The following KHNYN variants were observed in gnomAD, a reference collection of about 807,000 sequenced individuals.
KHNYN encodes protein KHNYN.
Under a neutral mutation model 62.7 loss-of-function variants are expected in KHNYN, and 42 were observed. The ratio of observed to expected loss-of-function variants is 0.67; its 90% CI spans 0.52 to 0.87. The LOEUF is 0.87. KHNYN is among the 40% of genes least tolerant of loss of function. KHNYN has a pLI of 0.00. For missense variants in KHNYN, 829 were observed against 874.1 expected, an observed-to-expected ratio of 0.95 and a Z score of 0.65; for synonymous variants, 347 against 345.6, an observed-to-expected ratio of 1.00 and a Z score of -0.04.
upstream of KHNYN, chr14:24,429,579 A>G: frequency 3.3e-6 from 2 of 604,514 alleles, no homozygotes; most frequent in Non-Finnish European, 4.9e-6. Context: ...CACCACGGGT[A>G]CCCTCCGCCT....
rs1286906516 is a variant in KHNYN, at chr14:24,439,709, G to A, written c.*2424G>A. ...CCGTCTTTGGGGAAGAATCATCTAG[G>A]GTGACATTCCTTGAAGTAAATCCCA... On this transcript the variant is annotated 3_prime_UTR_variant, in exon 8 of 8. Coordinates refer to ENST00000553935, the MANE Select transcript of KHNYN (RefSeq NM_015299.3). The A allele has an allele frequency of 1.2e-5, 2 of 169,618 alleles. No individual in the cohort carries two copies. The highest frequency in any genetic ancestry group is 2.5e-5 in the Non-Finnish European group (2 of 80,174). 10.5% of individuals were successfully genotyped at this position (169,618 alleles called of 1,614,324 possible).
In KHNYN at chr14:24,432,115, TGGCCCTCAGGCCACAGTCAGTG is replaced by T; in HGVS notation, c.857_878del (p.Ala286ValfsTer10). 1 of 1,551,934 alleles carries T rather than the reference TGGCCCTCAGGCCACAGTCAGTG, an allele frequency of 6.4e-7. No homozygotes were observed. The highest frequency in any genetic ancestry group is 8.7e-7 in the Non-Finnish European group (1 of 1,148,080). ...GGGGAAGAGGCGTGGGAGAGAGAAG[TGGCCCTCAGGCCACAGTCAGTG>T]GGTGGAGGGGCAAGGGAGTCAGCAC... On this transcript the variant is annotated frameshift_variant, in exon 3 of 8. Transcript: ENST00000553935. LOFTEE classifies it high-confidence loss of function. This position sits in a 1 kb window ranked among gnomAD's most constrained non-coding sequence, Gnocchi z 5.6.
chr14:24,427,309 T>C (rs148437798), upstream of KHNYN: 9 of 185,350 alleles, frequency 4.9e-5, no homozygotes, highest in Non-Finnish European at 9.0e-5. This position sits in a 1 kb window ranked among gnomAD's most constrained non-coding sequence, Gnocchi z 4.4. Context: ...CTGGTTCAGC[T>C]TCTGACGGTG....
chr14:24,424,769 G>T (rs2043004450), upstream of KHNYN, among the ~76,000 whole-genome samples: 1 of 152,200 alleles, frequency 6.6e-6, no homozygotes, highest in Non-Finnish European at 1.5e-5. Context: ...AACTTTAAAT[G>T]AGTTTAGAAG....
At chr14:24,423,394 G>T in the KHNYN span, among the ~76,000 whole-genome samples, 5 of 152,270 alleles carry the variant, frequency 3.3e-5, no homozygotes, top group South Asian at 2.1e-4. Context: ...TCCAAGACTG[G>T]TGGATGAGGA....
In KHNYN at chr14:24,437,292, C is replaced by A. The variant is rs572330921; in HGVS notation, c.*7C>A. The A allele has an allele frequency of 1.9e-6, 3 of 1,605,586 alleles. No homozygotes were observed. Among genetic ancestry groups the A allele is most frequent in the East Asian group, 4.5e-5 (2 of 44,656 alleles). ...GCTCAGTCTTAACTTTTGAGCCTCACCTGCTTGAGTGGCTGCCGCCCTGTC... is the reference window on the plus strand; with the variant it reads ...GCTCAGTCTTAACTTTTGAGCCTCAACTGCTTGAGTGGCTGCCGCCCTGTC... On this transcript the variant is annotated 3_prime_UTR_variant, in exon 8 of 8. Transcript: ENST00000553935. This position sits in a 1 kb window ranked among gnomAD's most constrained non-coding sequence, Gnocchi z 5.5.
In KHNYN at chr14:24,432,634, G is replaced by A. The variant is rs368116236; in HGVS notation, c.1349+24G>A. On this transcript the variant is annotated intron_variant, in intron 3 of 7. Coordinates refer to ENST00000553935, the MANE Select transcript of KHNYN (RefSeq NM_015299.3). The surrounding 1 kb of genome is among the most constrained non-coding windows in gnomAD (Gnocchi z 5.6). The stretch of plus-strand genomic sequence containing the variant: ...GTGTGAGTACCTGGTGGGGCTAAGG[G>A]CCTAGGAGAGGGAGGATATGTCCTG... 15 of 1,609,766 alleles carry A rather than the reference G, an allele frequency of 9.3e-6. No individual in the cohort carries two copies. Among genetic ancestry groups the A allele is most frequent in the African/African-American group, 4.0e-5 (3 of 74,850 alleles).
At chr14:24,424,808 T>G (rs1419422238), upstream of KHNYN, among the ~76,000 whole-genome samples, 1 of 152,248 alleles carries the variant, frequency 6.6e-6, no homozygotes, top group Admixed American at 6.5e-5. Context: ...TAAGGAAGGC[T>G]GCCCTGCTTA....
rs1473470376 is a variant in KHNYN, at chr14:24,438,533, C to G, written c.*1248C>G. On this transcript the variant is annotated 3_prime_UTR_variant, in exon 8 of 8. Transcript: ENST00000553935. ...CACTTGACTGGCCACCAGACCAACT[C>G]TGCTGTTACTGACATGCTTTCTTCA... The G allele has an allele frequency of 6.6e-6, 1 of 152,190 alleles. No individual in the cohort carries two copies. The highest frequency in any genetic ancestry group is 6.5e-5 in the Admixed American group (1 of 15,286). The allele number at this position is 152,190 out of a possible 1,614,324, so 9.4% of individuals were successfully genotyped here. A position where few individuals can be genotyped will look rare whatever the true frequency, so the allele number is the denominator to read the frequency against.
chr14:24,436,769 A>G lies in KHNYN; in HGVS notation c.1788-267A>G, dbSNP rs150540944. Among the ~76,000 whole-genome samples the G allele has an allele frequency of 8.5e-5, 13 of 152,346 alleles. No individual in the cohort carries two copies. In the East Asian group the frequency reaches 2.3e-3, roughly 27 times the overall value. Reference sequence around the variant, plus strand: ...ATACTGACAGCCAGTTGTATTCAGCATGCCTTCTGCTGACCATTACATAAG... The same window carrying G: ...ATACTGACAGCCAGTTGTATTCAGCGTGCCTTCTGCTGACCATTACATAAG... On this transcript the variant is annotated intron_variant, in intron 7 of 7. Coordinates refer to ENST00000553935, the MANE Select transcript of KHNYN (RefSeq NM_015299.3).
At chr14:24,424,383 T>C (rs1041529190), upstream of KHNYN, among the ~76,000 whole-genome samples, 15 of 152,252 alleles carry the variant, frequency 9.9e-5, no homozygotes, top group African/African-American at 3.6e-4. Context: ...ACGTTTTCCA[T>C]GCAGTGGTAT....
chr14:24,427,785 G>A (rs2043034405), upstream of KHNYN: 3 of 1,613,440 alleles, frequency 1.9e-6, no homozygotes, highest in Non-Finnish European at 2.5e-6. The surrounding 1 kb of genome is among the most constrained non-coding windows in gnomAD (Gnocchi z 4.4). Context: ...AAAGACTTGG[G>A]TCCTCAGAGA....
chr14:24,429,149 C>T, upstream of KHNYN: 1 of 1,340,244 alleles, frequency 7.5e-7, no homozygotes, highest in South Asian at 1.5e-5. Flanking sequence ...GCACCCTGAT[C>T]GTCTGCCCTC....
At chr14:24,433,962 T>TG (rs2043166967) in intron 5 of KHNYN, 1 of 188,634 alleles carries the variant, frequency 5.3e-6, no homozygotes, top group African/African-American at 2.4e-5. Flanking sequence ...TATACAGTTT[T>TG]TAAAAATTAG....
At chr14:24,429,611 C>A, upstream of KHNYN, 1 of 999,782 alleles carries the variant, frequency 1.0e-6, no homozygotes, top group Non-Finnish European at 1.3e-6. Context: ...CCTACCCCCT[C>A]CGCCACGATT....
chr14:24,432,602 G>A lies in KHNYN; in HGVS notation c.1341G>A (p.Val447=). Residue 447 remains valine, a synonymous_variant, in exon 3 of 8, where the codon GTG becomes GTA. Transcript: ENST00000553935. The surrounding 1 kb of genome is among the most constrained non-coding windows in gnomAD (Gnocchi z 5.6). ...ATATTGTCATTGACGGCAGCAACGTGGCCATGGTGTGAGTACCTGGTGGGG... is the reference window on the plus strand; with the variant it reads ...ATATTGTCATTGACGGCAGCAACGTAGCCATGGTGTGAGTACCTGGTGGGG... ...LRHIVIDGSN[V]AMVHGLQHYF... 1 of 1,606,540 alleles carries A rather than the reference G, an allele frequency of 6.2e-7. No individual in the cohort carries two copies. Among genetic ancestry groups the A allele is most frequent in the Non-Finnish European group, 8.5e-7 (1 of 1,174,478 alleles).
At chr14:24,434,035 C>G in intron 5 of KHNYN, 1 of 528,100 alleles carries the variant, frequency 1.9e-6, no homozygotes, top group Non-Finnish European at 2.4e-6. Context: ...TATTCCTTAA[C>G]AAGCAAATGG....
chr14:24,440,996 C>G lies in KHNYN; in HGVS notation c.*3711C>G. On this transcript the variant is annotated 3_prime_UTR_variant, in exon 8 of 8. Coordinates refer to ENST00000553935, the MANE Select transcript of KHNYN (RefSeq NM_015299.3). The stretch of plus-strand genomic sequence containing the variant: ...GCCTGGCTCTCTGTAGTGGAGGCTC[C>G]CCTTGGCCTCACCTTCTCTGGCCCT... 6.5e-7 allele frequency: 1 copy of G among 1,538,528 alleles called. No individual in the cohort carries two copies. The highest frequency in any genetic ancestry group is 9.0e-7 in the Non-Finnish European group (1 of 1,114,600).
In KHNYN at chr14:24,432,547, C is replaced by T; in HGVS notation, c.1286C>T (p.Ala429Val). The change falls in exon 3 of 8, where the codon GCC (alanine) becomes GTC (valine). Residue 429 changes from alanine (A) to valine (V), a missense_variant. Physicochemically the swap from Ala to Val is moderately conservative, Grantham distance 64. Around this residue, in one of 2 missense-constraint regions of KHNYN, gnomAD observed 270 missense variants for 347.1 expected, o/e 0.78. Transcript: ENST00000553935. This position sits in a 1 kb window ranked among gnomAD's most constrained non-coding sequence, Gnocchi z 5.6. ...CAGGATCCTTTCACCCTGTGCCTTG[C>T]CAATGTGCCTGGCCAGCCAGACCTC... ...ALQDPFTLCL[A>V]NVPGQPDLRH... 1 of 1,610,782 alleles carries T rather than the reference C, an allele frequency of 6.2e-7. No homozygotes were observed. Among genetic ancestry groups the T allele is most frequent in the South Asian group, 1.1e-5 (1 of 90,982 alleles).
Sources: gnomAD v4.1 joint callset for allele counts (sites outside exome capture counted in the v4.1 genomes callset) on GRCh38, gnomAD v4.1.1 for gene constraint, gnomAD v4.1.1 regional missense constraint, Gnocchi (gnomAD v3.1) non-coding constraint, MANE v1.5 for transcripts, NCBI Gene and HGNC (gene_info 2026-07-23, HGNC 2026-07-21) for gene names.